ADAM8: variants seen among roughly 807,000 people sequenced by gnomAD.
ADAM8 encodes the protein disintegrin and metalloproteinase domain-containing protein 8.
A neutral mutation model predicts 102.4 loss-of-function variants in ADAM8; 104 were observed. The observed-to-expected ratio is 1.02, with a 90% CI of 0.87 to 1.20. The LOEUF (loss-of-function observed/expected upper bound fraction) is 1.20. Among genes scored for constraint, ADAM8 ranks in the 50% most tolerant of loss-of-function variants. The probability of loss-of-function intolerance (pLI) is 0.00; values close to 1 mark genes in which losing one functional copy is unlikely to be tolerated. For synonymous variants in ADAM8, 517 were observed against 485.2 expected, an observed-to-expected ratio of 1.07 and a Z score of -0.86; for missense variants, 1,132 against 1,159.0, an observed-to-expected ratio of 0.98 and a Z score of 0.34.
At chr10:133,267,839 G>T (rs894635961) in intron 20 of ADAM8, 90 bp downstream of exon 20, 1 of 1,166,746 alleles carries the variant, frequency 8.6e-7, no homozygotes, top group Non-Finnish European at 1.1e-6. Flanking sequence ...TAATGAAAGG[G>T]CTCTGCTGGC....
Position 133,270,727 on chromosome 10 carries a change from T to TCAG in ADAM8, c.1634+6_1634+8dup, listed in dbSNP as rs201299089. 2 of 835,594 alleles carry TCAG rather than the reference T, an allele frequency of 2.4e-6. No individual in the cohort carries two copies. Among genetic ancestry groups the TCAG allele is most frequent in the East Asian group, 5.9e-5 (2 of 33,822 alleles). The allele number at this position is 835,594 out of a possible 1,614,324, so 51.8% of individuals were successfully genotyped here. ...CACATGTCCTGGGCCCAGGGCGGTC[T>TCAG]CAGCTCACCTGTACCGGCTGGCCTT... On this transcript the variant is annotated intron_variant, in intron 15 of 22. Transcript: ENST00000445355.
intron 2 of ADAM8, chr10:133,274,686 A>T: frequency 3.5e-6 from 1 of 289,408 alleles, no homozygotes; most frequent in South Asian, 2.5e-5. Context: ...TGGGGGAGGC[A>T]TAGCCTCAGC....
At position 133,273,942 on chromosome 10, in the gene ADAM8, G is replaced by T. The variant is rs537427665; in HGVS notation, c.306+9C>A. ...ACCTGCCCGCCCAGCTGCTCCGCCC[G>T]ACCCATACCTGCCCGCGAGGCTGCT... On this transcript the variant is annotated intron_variant, in intron 4 of 22. Transcript: ENST00000445355. 1.3e-6 allele frequency: 2 copies of T among 1,592,316 alleles called. No individual in the cohort carries two copies. The highest frequency in any genetic ancestry group is 1.7e-5 in the Admixed American group (1 of 57,220).
chr10:133,265,438 T>C (rs1173161004), intron 21 of ADAM8, among the ~76,000 whole-genome samples: 3 of 152,210 alleles, frequency 2.0e-5, no homozygotes, highest in Non-Finnish European at 4.4e-5. Context: ...TTTCTGCAAC[T>C]CACGTACAAG....
In ADAM8 at chr10:133,273,368, G is replaced by T. The variant is rs545356253; in HGVS notation, c.459C>A (p.Ala153=). 1 of 1,556,346 alleles carries T rather than the reference G, an allele frequency of 6.4e-7. No individual in the cohort carries two copies. The highest frequency in any genetic ancestry group is 8.7e-7 in the Non-Finnish European group (1 of 1,150,646). ...LDEGGEGGRH[A]VYQAEHLLQT... is the part of the protein sequence containing the mutation. ...GCAGCAGGTGCTCAGCCTGGTACACGGCGTGCCGTCCGCCCTCGCCACCTT... is the reference window on the plus strand; with the variant it reads ...GCAGCAGGTGCTCAGCCTGGTACACTGCGTGCCGTCCGCCCTCGCCACCTT... Residue 153 remains alanine (A), a synonymous_variant, in exon 6 of 23, where the codon GCC becomes GCA. Coordinates refer to ENST00000445355, the MANE Select transcript of ADAM8 (RefSeq NM_001109.5).
chr10:133,270,728 C>CAGA lies in ADAM8; in HGVS notation c.1634+7_1634+8insTCT, dbSNP rs5789159. 1,418,744 of 1,606,464 alleles carry CAGA rather than the reference C, an allele frequency of 0.88. 627,228 individuals are homozygous for CAGA. Among genetic ancestry groups the CAGA allele is most frequent in the East Asian group, 0.93 (41,539 of 44,492 alleles). On this transcript the variant is annotated splice_region_variant and intron_variant, in intron 15 of 22. Transcript: ENST00000445355. ...ACATGTCCTGGGCCCAGGGCGGTCTCAGCTCACCTGTACCGGCTGGCCTTG... is the reference window on the plus strand; with the variant it reads ...ACATGTCCTGGGCCCAGGGCGGTCTCAGAAGCTCACCTGTACCGGCTGGCCTTG...
At chr10:133,266,342 C>T (rs920146121) in intron 21 of ADAM8, among the ~76,000 whole-genome samples, 5 of 152,032 alleles carry the variant, frequency 3.3e-5, no homozygotes, top group Non-Finnish European at 7.4e-5. Context: ...GCAGGCCAGG[C>T]GAAGGGCATG....
chr10:133,263,743 G>A lies in ADAM8; in HGVS notation c.2342C>T (p.Pro781Leu). Residue 781 changes from proline (P) to leucine (L), a missense_variant, in exon 22 of 23, where the codon CCC (proline) becomes CTC (leucine). Physicochemically the swap from Pro to Leu is moderately conservative, Grantham distance 98. Transcript: ENST00000445355. ...PKQVIKPTFA[P>L]PVPPVKPGAG... ...CCCGGGTTTGACTGGGGGCACTGGG[G>A]GTGCGAACGTTGGCTTGATGACCTG... 6.5e-7 allele frequency: 1 copy of A among 1,534,052 alleles called. No homozygotes were observed. The highest frequency in any genetic ancestry group is 2.0e-5 in the Admixed American group (1 of 50,894).
At chr10:133,275,450 G>T (rs759544487) in intron 2 of ADAM8, 34 bp downstream of exon 2, 209 of 1,475,092 alleles carry the variant, frequency 1.4e-4, no homozygotes, top group Non-Finnish European at 1.9e-4. Context: ...TCAGGGGCCA[G>T]CCAGGGACCC....
At chr10:133,275,165 C>T (rs1032955674) in intron 2 of ADAM8, among the ~76,000 whole-genome samples, 5 of 152,190 alleles carry the variant, frequency 3.3e-5, no homozygotes, top group African/African-American at 1.2e-4. Context: ...GTCAACTCTG[C>T]GGTGAGCCAG....
intron 13 of ADAM8, 39 bp downstream of exon 13, chr10:133,271,161 C>G: frequency 1.3e-6 from 2 of 1,599,646 alleles, no homozygotes; most frequent in Non-Finnish European, 1.7e-6. Flanking sequence ...ACCTGCCAGC[C>G]ATGGGCTCTG....
intron 22 of ADAM8, 37 bp downstream of exon 22, chr10:133,263,650 GC>G: frequency 6.6e-7 from 1 of 1,523,638 alleles, no homozygotes; most frequent in Non-Finnish European, 8.8e-7. Flanking sequence ...GCCGTCCATT[GC>G]ACAGTGGACT....
intron 2 of ADAM8, among the ~76,000 whole-genome samples, 199 bp downstream of exon 2, chr10:133,275,285 T>C (rs930280846): frequency 1.3e-5 from 2 of 152,092 alleles, no homozygotes; most frequent in African/African-American, 4.8e-5. Context: ...TCCATAGAGC[T>C]CCTGAAGGAA....
rs1317764293 is a variant in ADAM8 at position 133,267,918 on chromosome 10, G to T, written c.2253+11C>A. 6 of 1,260,338 alleles carry T rather than the reference G, an allele frequency of 4.8e-6. No homozygotes were observed. Among genetic ancestry groups the T allele is most frequent in the Non-Finnish European group, 4.0e-6 (4 of 996,966 alleles). 78.1% of individuals were successfully genotyped at this position (1,260,338 alleles called of 1,614,324 possible). ...TTTCGGCCTCATGAACCCGCCAGGG[G>T]TGGTGCTTACAGCAGGGGGCGGCCT... is the stretch of plus-strand genomic sequence containing the variant. On this transcript the variant is annotated intron_variant, in intron 20 of 22. Coordinates refer to ENST00000445355, the MANE Select transcript of ADAM8 (RefSeq NM_001109.5).
At chr10:133,276,640 C>T (rs1018386930) in intron 1 of ADAM8, 132 bp downstream of exon 1, 1 of 1,346,448 alleles carries the variant, frequency 7.4e-7, no homozygotes, top group Non-Finnish European at 9.7e-7. Context: ...GGCCCGCTCC[C>T]AGGGACCAGC....
intron 21 of ADAM8, among the ~76,000 whole-genome samples, chr10:133,267,143 G>A (rs901385833): frequency 2.0e-5 from 3 of 152,146 alleles, no homozygotes; most frequent in Admixed American, 6.5e-5. Context: ...CAGCTCCAAC[G>A]CAGGGCAGGA....
In ADAM8 at chr10:133,271,530, C is replaced by CG. The variant is rs753471255; in HGVS notation, c.1281dup (p.Glu428ArgfsTer17). 2.8e-5 allele frequency: 43 copies of CG among 1,553,040 alleles called. No individual in the cohort carries two copies. The highest frequency in any genetic ancestry group is 1.9e-4 in the Middle Eastern group (1 of 5,302). ...GCAGGTATGGGGCATGGACGCACCT[C>CG]GGGGGGGCCGCAGTCGCACTGCTCC... is the stretch of plus-strand genomic sequence containing the variant. On this transcript the variant is annotated frameshift_variant, in exon 12 of 23. Coordinates refer to ENST00000445355, the MANE Select transcript of ADAM8 (RefSeq NM_001109.5). LOFTEE classifies it high-confidence loss of function.
intron 8 of ADAM8, 94 bp downstream of exon 8, chr10:133,272,704 C>T (rs1211382476): frequency 2.0e-6 from 3 of 1,532,042 alleles, no homozygotes; most frequent in African/African-American, 2.7e-5. Context: ...AGGTGCGGGG[C>T]AGAGCTGGAG....
At chr10:133,269,229 C>T (rs1846434812) in intron 18 of ADAM8, 2 of 965,764 alleles carry the variant, frequency 2.1e-6, no homozygotes, top group South Asian at 9.6e-5. Context: ...CGTGCCCTGC[C>T]CTCGGCCACT....
Sources: allele counts gnomAD v4.1 joint callset (sites outside exome capture counted in the v4.1 genomes callset), GRCh38; gene constraint gnomAD v4.1.1; transcripts MANE v1.5; gene names NCBI Gene and HGNC (gene_info 2026-07-23, HGNC 2026-07-21).